Variants in PDE1C observed in about 807,000 individuals in gnomAD.
The protein encoded by PDE1C is dual specificity calcium/calmodulin-dependent 3',5'-cyclic nucleotide phosphodiesterase 1C.
A neutral mutation model predicts 93.1 loss-of-function variants in PDE1C; 62 were observed. That is an observed-to-expected ratio of 0.67 (90% CI 0.54 to 0.82). The LOEUF is 0.82. Ranked by LOEUF, PDE1C falls within the 40% of genes least tolerant of loss-of-function variation. The pLI, the probability that PDE1C is intolerant of heterozygous loss-of-function variation, is 0.00. For synonymous variants in PDE1C, 325 were observed against 310.1 expected, an observed-to-expected ratio of 1.05 and a Z score of -0.50; for missense variants, 742 against 884.6, an observed-to-expected ratio of 0.84 and a Z score of 2.04.
chr7:32,161,515 A>C (rs1801917179), intron 3 of PDE1C, among the ~76,000 whole-genome samples: 1 of 152,026 alleles, frequency 6.6e-6, no homozygotes, highest in African/African-American at 2.4e-5. Context: ...CGAGAAGTGC[A>C]TTTACCTCGC....
At chr7:31,961,288 T>G (rs1015153472) in intron 2 of PDE1C, among the ~76,000 whole-genome samples, 25 of 151,902 alleles carry the variant, frequency 1.6e-4, no homozygotes, top group Non-Finnish European at 2.5e-4. Context: ...TTATACATTA[T>G]ATACAGTATG....
intron 17 of PDE1C, 44 bp from the exon 18 acceptor site, chr7:31,753,597 C>G: frequency 6.4e-7 from 1 of 1,572,744 alleles, no homozygotes; most frequent in Non-Finnish European, 8.6e-7. Flanking sequence ...TAGCCTCACC[C>G]ACGACATGCC....
At chr7:32,158,310 T>C (rs1801702153) in intron 3 of PDE1C, among the ~76,000 whole-genome samples, 1 of 152,184 alleles carries the variant, frequency 6.6e-6, no homozygotes, top group Admixed American at 6.5e-5. Flanking sequence ...TTTCCCCTTC[T>C]AAATGAGGAC....
At chr7:31,910,829 T>C (rs1801137668) in intron 2 of PDE1C, among the ~76,000 whole-genome samples, 1 of 152,202 alleles carries the variant, frequency 6.6e-6, no homozygotes, top group Non-Finnish European at 1.5e-5. Flanking sequence ...AGTAAGTTTA[T>C]AATGCATTTA....
intron 1 of PDE1C, among the ~76,000 whole-genome samples, chr7:32,223,793 G>C (rs780249499): frequency 6.4e-4 from 97 of 152,140 alleles, no homozygotes; most frequent in Non-Finnish European, 2.1e-4. Context: ...ATTAGCACCT[G>C]GGTCCTGCGG....
chr7:31,852,910 C>T (rs1474457980), intron 7 of PDE1C, among the ~76,000 whole-genome samples: 3 of 151,600 alleles, frequency 2.0e-5, no homozygotes, highest in Non-Finnish European at 2.9e-5. Flanking sequence ...TTTGTCCCCA[C>T]CCATCTGTCC....
At chr7:31,804,456 T>C (rs1584174963) in intron 16 of PDE1C, among the ~76,000 whole-genome samples, 1 of 151,774 alleles carries the variant, frequency 6.6e-6, no homozygotes, top group East Asian at 1.9e-4. Flanking sequence ...AGTGTAGTAG[T>C]TTCCCTTTAC....
intron 3 of PDE1C, among the ~76,000 whole-genome samples, chr7:32,167,144 G>A (rs971449184): frequency 3.3e-5 from 5 of 152,086 alleles, no homozygotes; most frequent in Non-Finnish European, 7.4e-5. Flanking sequence ...TAAACACTTC[G>A]TATCTTTGGA....
chr7:31,983,178 G>A (rs536192993), intron 2 of PDE1C, among the ~76,000 whole-genome samples: 1 of 152,304 alleles, frequency 6.6e-6, no homozygotes, highest in East Asian at 1.9e-4. Context: ...GCTAAGTGAT[G>A]ACAGAAACAT....
At chr7:32,250,072 A>G (rs1179010606) in intron 1 of PDE1C, among the ~76,000 whole-genome samples, 1 of 152,194 alleles carries the variant, frequency 6.6e-6, no homozygotes. Flanking sequence ...GTTTCAATCT[A>G]TAGCTCTGTA....
intron 17 of PDE1C, among the ~76,000 whole-genome samples, chr7:31,760,759 T>TACACACAC (rs10573498): frequency 0.012 from 1,833 of 148,664 alleles, 15 homozygotes; most frequent in Non-Finnish European, 0.014. Context: ...CTGCAATGTG[T>TACACACAC]ACACACACAC....
At position 32,313,324 on chromosome 7, in the gene PDE1C, A is replaced by G. The variant is rs538680443; in HGVS notation, c.311-103785T>C. Among the ~76,000 whole-genome samples, 83 of 148,790 alleles carry G rather than the reference A, an allele frequency of 5.6e-4. 1 individual carries two copies. The highest frequency in any genetic ancestry group is 2.1e-3 in the African/African-American group (83 of 40,414). On this transcript the variant is annotated intron_variant, in intron 1 of 1. Transcript: ENST00000672256. ...GTTGGTGGGACTGTAAACTAGTTCA[A>G]CCATGTGGAAGTCAGTGTGGCAATT...
chr7:32,359,451 T>A (rs1784093371), intron 1 of PDE1C, among the ~76,000 whole-genome samples: 1 of 152,236 alleles, frequency 6.6e-6, no homozygotes, highest in African/African-American at 2.4e-5. Context: ...TCATCATCTA[T>A]CTTTCCCACT....
chr7:32,365,903 A>G (rs565758808), intron 1 of PDE1C, among the ~76,000 whole-genome samples: 74 of 152,300 alleles, frequency 4.9e-4, no homozygotes, highest in African/African-American at 1.7e-3. Context: ...CTGAGCTAAC[A>G]TCCCAAAACA....
chr7:32,137,127 T>C (rs1022496012), intron 3 of PDE1C, among the ~76,000 whole-genome samples: 1 of 152,204 alleles, frequency 6.6e-6, no homozygotes, highest in Non-Finnish European at 1.5e-5. Context: ...TTTTATAAAG[T>C]AAAAGTCTGC....
chr7:31,739,238 C>CACACACACACACA, the PDE1C span, among the ~76,000 whole-genome samples: 1 of 149,564 alleles, frequency 6.7e-6, no homozygotes, highest in Admixed American at 6.7e-5. Context: ...CACACACACA[C>CACACACACACACA]CAGCTCTTCT....
At chr7:32,287,014 C>T (rs1812043624) in intron 1 of PDE1C, among the ~76,000 whole-genome samples, 1 of 152,134 alleles carries the variant, frequency 6.6e-6, no homozygotes. Flanking sequence ...AGAACTAATA[C>T]CCAGAAGGCT....
chr7:32,005,692 A>G (rs569399029), intron 2 of PDE1C, among the ~76,000 whole-genome samples: 2 of 152,040 alleles, frequency 1.3e-5, no homozygotes, highest in African/African-American at 4.8e-5. Context: ...TCCTCCAATC[A>G]CACTAGAAGG....
chr7:31,694,525 C>T, the PDE1C span, among the ~76,000 whole-genome samples: 155 of 152,248 alleles, frequency 1.0e-3, no homozygotes, highest in Non-Finnish European at 1.8e-3. Flanking sequence ...CATGTTTGAA[C>T]TCAGATCAGC....
Sources: allele counts gnomAD v4.1 joint callset (sites outside exome capture counted in the v4.1 genomes callset), GRCh38; gene constraint gnomAD v4.1.1; transcripts MANE v1.5; gene names NCBI Gene and HGNC (gene_info 2026-07-23, HGNC 2026-07-21).